Variants in FHIT observed in about 807,000 individuals in gnomAD.
The protein encoded by FHIT is bis(5'-adenosyl)-triphosphatase.
A neutral mutation model predicts 17.9 loss-of-function variants in FHIT; 19 were observed. The observed-to-expected ratio is 1.06, with a 90% CI of 0.74 to 1.56. The LOEUF (loss-of-function observed/expected upper bound fraction) is 1.56. Among genes scored for constraint, FHIT ranks in the 40% most tolerant of loss-of-function variants. The probability of loss-of-function intolerance (pLI) is 0.00; values close to 1 mark genes in which losing one functional copy is unlikely to be tolerated. For missense variants in FHIT, 248 were observed against 189.2 expected (o/e 1.31, Z -1.82); for synonymous variants, 81 against 69.7 (o/e 1.16, Z -0.81).
At chr3:60,478,103 G>C (rs577620274) in intron 5 of FHIT, among the ~76,000 whole-genome samples, 55 of 152,274 alleles carry the variant, frequency 3.6e-4, no homozygotes, top group Non-Finnish European at 5.6e-4. Flanking sequence ...TTGACATACT[G>C]ATTGCTCATA....
intron 4 of FHIT, among the ~76,000 whole-genome samples, chr3:60,809,017 T>A (rs1701487954): frequency 1.3e-5 from 2 of 152,234 alleles, no homozygotes; most frequent in Non-Finnish European, 2.9e-5. Flanking sequence ...TGCTTATGTA[T>A]AATTTGGTTA....
At chr3:59,869,745 C>A (rs1417266041) in intron 8 of FHIT, among the ~76,000 whole-genome samples, 4 of 151,792 alleles carry the variant, frequency 2.6e-5, no homozygotes, top group Non-Finnish European at 4.4e-5. Context: ...CTCGGCCTCC[C>A]AAAGTGCTGG....
rs1705449468 is a variant in FHIT, at chr3:59,922,396, G to A, written c.298C>T (p.Leu100Phe). 6.2e-7 allele frequency: 1 copy of A among 1,613,864 alleles called. No homozygotes were observed. Residue 100 changes from leucine to phenylalanine, a missense_variant, in exon 8 of 10, where the codon CTT becomes TTT. By Grantham distance (22) the Leu-to-Phe change is conservative (BLOSUM62 0). Transcript: ENST00000492590. ...QTVKHVHVHV[L>F]PRKAGDFHRN... ...TGAAAGTCTCCAGCCTTCCTGGGAA[G>A]AACATGGACGTGAACGTGCTGAAAA...
intron 3 of FHIT, among the ~76,000 whole-genome samples, chr3:61,022,642 C>T (rs1052701372): frequency 7.2e-5 from 11 of 152,276 alleles, no homozygotes; most frequent in African/African-American, 2.6e-4. Context: ...AAAGCTTATC[C>T]ACCACGATCA....
At chr3:60,842,639 ATATATATTTTT>A (rs1702771961) in intron 3 of FHIT, among the ~76,000 whole-genome samples, 11 of 43,414 alleles carry the variant, frequency 2.5e-4, no homozygotes, top group African/African-American at 6.7e-4. Context: ...GTATATATAT[ATATATATTTTT>A]TTTTTTTTTT....
At chr3:60,415,732 T>TAA (rs5849361) in intron 5 of FHIT, among the ~76,000 whole-genome samples, 1 of 143,316 alleles carries the variant, frequency 7.0e-6, no homozygotes, top group African/African-American at 2.6e-5. Context: ...ACGCCTGAGT[T>TAA]AAAAAAAAAA....
At chr3:60,614,826 TTTTTGTTTTTTTTTTG>T (rs1553675144) in intron 4 of FHIT, among the ~76,000 whole-genome samples, 10,024 of 99,986 alleles carry the variant, frequency 0.1, 1,953 homozygotes, top group Non-Finnish European at 0.17. Context: ...TTTTGTTTTT[TTTTTGTTTTTTTTTTG>T]TTTTTTGAGA....
At chr3:60,584,334 T>C (rs1416059519) in intron 4 of FHIT, among the ~76,000 whole-genome samples, 1 of 151,968 alleles carries the variant, frequency 6.6e-6, no homozygotes, top group Non-Finnish European at 1.5e-5. Flanking sequence ...TTGGCCAGCA[T>C]ACCTCTATCC....
chr3:61,121,297 T>G (rs1398048192), intron 2 of FHIT, among the ~76,000 whole-genome samples: 3 of 152,094 alleles, frequency 2.0e-5, no homozygotes, highest in Non-Finnish European at 4.4e-5. Context: ...AATCGTCAGA[T>G]TCACCAAAGT....
chr3:59,964,476 T>C (rs535966524), intron 7 of FHIT, among the ~76,000 whole-genome samples: 14 of 152,206 alleles, frequency 9.2e-5, no homozygotes, highest in African/African-American at 2.6e-4. Context: ...TTCCAGAACA[T>C]AGAATAAAAA....
chr3:60,303,049 T>G (rs1708514267), intron 5 of FHIT, among the ~76,000 whole-genome samples: 1 of 152,174 alleles, frequency 6.6e-6, no homozygotes, highest in Non-Finnish European at 1.5e-5. Context: ...AGGAAGGATG[T>G]AAATTTCAGA....
At chr3:61,134,198 T>G (rs1166516519) in intron 2 of FHIT, among the ~76,000 whole-genome samples, 1 of 149,948 alleles carries the variant, frequency 6.7e-6, no homozygotes, top group African/African-American at 2.5e-5. Flanking sequence ...TTACCAAGGG[T>G]AGGGGGTTGG....
chr3:60,466,312 G>A (rs184718214), intron 5 of FHIT, among the ~76,000 whole-genome samples: 4 of 152,036 alleles, frequency 2.6e-5, no homozygotes, highest in South Asian at 2.1e-4. Flanking sequence ...CCAAATATAA[G>A]ATCGTATCAT....
intron 7 of FHIT, among the ~76,000 whole-genome samples, chr3:59,984,003 C>A (rs2687898): frequency 0.88 from 134,007 of 152,138 alleles, 59,230 homozygotes; most frequent in East Asian, 0.99. Flanking sequence ...AAATTGTATT[C>A]GAATTCCTAG....
intron 5 of FHIT, among the ~76,000 whole-genome samples, chr3:60,061,503 A>C (rs1394238213): frequency 4.6e-5 from 7 of 152,228 alleles, no homozygotes; most frequent in Admixed American, 1.3e-4. Flanking sequence ...AATAAAATGC[A>C]AACTGAGAGC....
intron 5 of FHIT, among the ~76,000 whole-genome samples, chr3:60,207,133 C>T (rs1034122966): frequency 2.6e-5 from 4 of 151,446 alleles, no homozygotes; most frequent in Admixed American, 1.3e-4. Context: ...AGTGCTATTT[C>T]AAATGTGTTA....
Position 60,076,648 on chromosome 3 carries a change from T to C in FHIT, c.104-62496A>G, listed in dbSNP as rs373579389. ...ACCAGATTAGAAATGATTATTATCATGTCACCTAACAGAGTGATAATAATG... is the reference window on the plus strand; with the variant it reads ...ACCAGATTAGAAATGATTATTATCACGTCACCTAACAGAGTGATAATAATG... On this transcript the variant is annotated intron_variant, in intron 5 of 9. Transcript: ENST00000492590. Among the ~76,000 whole-genome samples the C allele has an allele frequency of 2.5e-4, 38 of 152,192 alleles. No individual in the cohort carries two copies. The East Asian group carries it at 6.6e-3, about 26-fold the overall frequency.
At chr3:59,840,225 C>T (rs1187280544) in intron 8 of FHIT, among the ~76,000 whole-genome samples, 1 of 152,032 alleles carries the variant, frequency 6.6e-6, no homozygotes, top group Non-Finnish European at 1.5e-5. Flanking sequence ...ATTCAGAGAG[C>T]CAAAATGCAA....
At chr3:61,185,362 A>T (rs2038474921) in intron 2 of FHIT, among the ~76,000 whole-genome samples, 2 of 152,166 alleles carry the variant, frequency 1.3e-5, no homozygotes, top group South Asian at 4.1e-4. Flanking sequence ...TCCTTGCAAA[A>T]TAGTCAATGA....
Sources: gnomAD v4.1 joint callset for allele counts (sites outside exome capture counted in the v4.1 genomes callset) on GRCh38, gnomAD v4.1.1 for gene constraint, MANE v1.5 for transcripts, NCBI Gene and HGNC (gene_info 2026-07-23, HGNC 2026-07-21) for gene names.